The following PDIA3 variants were observed in gnomAD, a reference collection of about 807,000 sequenced individuals.
The protein encoded by PDIA3 is protein disulfide-isomerase A3.
Under a neutral mutation model 56.9 loss-of-function variants are expected in PDIA3, and 16 were observed. The observed-to-expected ratio is 0.28, with a 90% confidence interval of 0.19 to 0.43. The LOEUF is 0.43. Ranked by LOEUF, PDIA3 falls within the 20% of genes least tolerant of loss-of-function variation. The pLI is 1.00. For synonymous variants in PDIA3, 192 were observed against 216.5 expected, an observed-to-expected ratio of 0.89 and a Z score of 0.99; for missense variants, 485 against 621.3, an observed-to-expected ratio of 0.78 and a Z score of 2.33.
intron 3 of PDIA3, among the ~76,000 whole-genome samples, chr15:43,757,730 C>CACATGCCTGT (rs2141649336): frequency 6.6e-6 from 1 of 151,872 alleles, no homozygotes; most frequent in South Asian, 2.1e-4. Context: ...GGCGTGGTGG[C>CACATGCCTGT]ACATGCCTGT....
At chr15:43,761,364 T>A in intron 3 of PDIA3, 60 bp from the exon 4 acceptor site, 1 of 885,048 alleles carries the variant, frequency 1.1e-6, no homozygotes, top group Non-Finnish European at 1.8e-6. Flanking sequence ...TGATGAATAA[T>A]TGCCTTCTCA....
chr15:43,770,174 TAA>T, intron 10 of PDIA3, 74 bp from the exon 11 acceptor site: 1 of 1,166,756 alleles, frequency 8.6e-7, no homozygotes, highest in Non-Finnish European at 1.3e-6. Context: ...GAGATTGTTT[TAA>T]GTCTTCAATT....
At chr15:43,765,391 A>G in intron 5 of PDIA3, 59 bp from the exon 6 acceptor site, 2 of 947,612 alleles carry the variant, frequency 2.1e-6, no homozygotes, top group Non-Finnish European at 3.4e-6. Context: ...AAAAAAAAAA[A>G]GATGGGAGAC....
chr15:43,759,886 C>T (rs959885123), intron 3 of PDIA3, among the ~76,000 whole-genome samples: 1 of 151,746 alleles, frequency 6.6e-6, no homozygotes. Flanking sequence ...GAGTTCAAGA[C>T]CAGCCTGACC....
chr15:43,759,946 G>A (rs1472671403), intron 3 of PDIA3, among the ~76,000 whole-genome samples: 2 of 152,026 alleles, frequency 1.3e-5, no homozygotes, highest in Non-Finnish European at 2.9e-5. Flanking sequence ...AAAATTAGCC[G>A]GGCGTGGTGG....
chr15:43,766,944 CA>C (rs1377655881), intron 8 of PDIA3, 34 bp downstream of exon 8: 1 of 1,586,840 alleles, frequency 6.3e-7, no homozygotes, highest in Admixed American at 1.7e-5. Flanking sequence ...TTCTCCAAGG[CA>C]ATTATTAAAG....
At position 43,746,586 on chromosome 15, in the gene PDIA3, T is replaced by C; in HGVS notation, c.47T>C (p.Leu16Pro). 6.2e-7 allele frequency: 1 copy of C among 1,612,040 alleles called. No individual in the cohort carries two copies. Among genetic ancestry groups the C allele is most frequent in the East Asian group, 2.2e-5 (1 of 44,860 alleles). Residue 16 changes from leucine (L) to proline (P), a missense_variant, in exon 1 of 13, where the codon CTT (leucine) becomes CCT (proline). Physicochemically the swap from Leu to Pro is moderately conservative, Grantham distance 98. Transcript: ENST00000300289. ...LALFPGVALL[L>P]AAARLAAASD... ...CTGTTCCCGGGTGTGGCGCTGCTTCTTGCCGCGGCCCGCCTCGCCGCTGCC... is the reference window on the plus strand; with the variant it reads ...CTGTTCCCGGGTGTGGCGCTGCTTCCTGCCGCGGCCCGCCTCGCCGCTGCC...
chr15:43,767,857 AG>A (rs2086858042), intron 8 of PDIA3, among the ~76,000 whole-genome samples: 1 of 151,760 alleles, frequency 6.6e-6, no homozygotes, highest in African/African-American at 2.4e-5. Context: ...CTATAATCCC[AG>A]CACTTTGGGA....
intron 7 of PDIA3, 37 bp downstream of exon 7, chr15:43,766,049 TA>T (rs760663317): frequency 6.2e-7 from 1 of 1,600,346 alleles, no homozygotes; most frequent in Admixed American, 1.7e-5. Context: ...TGAACAAGTT[TA>T]CCCAATGTAT....
chr15:43,761,599 G>A, intron 4 of PDIA3, 68 bp downstream of exon 4: 1 of 830,958 alleles, frequency 1.2e-6, no homozygotes, highest in Non-Finnish European at 2.0e-6. Flanking sequence ...CCATGTCTGG[G>A]AAAACCACAG....
At chr15:43,767,190 A>G (rs2141656215) in intron 8 of PDIA3, among the ~76,000 whole-genome samples, 1 of 152,044 alleles carries the variant, frequency 6.6e-6, no homozygotes, top group African/African-American at 2.4e-5. Flanking sequence ...TCTCTACTAA[A>G]AATGCAAAAA....
chr15:43,769,958 C>T (rs1407927604), intron 10 of PDIA3, among the ~76,000 whole-genome samples: 1 of 152,086 alleles, frequency 6.6e-6, no homozygotes, highest in Non-Finnish European at 1.5e-5. Context: ...TTGGCTTAGC[C>T]CCTGTAATGT....
chr15:43,749,945 A>C (rs2086732783), intron 1 of PDIA3, among the ~76,000 whole-genome samples: 1 of 152,088 alleles, frequency 6.6e-6, no homozygotes, highest in Non-Finnish European at 1.5e-5. Context: ...AGACCATCTC[A>C]AAAAAGAAAG....
rs367709006 is a variant in PDIA3 at position 43,770,252 on chromosome 15, C to G, written c.1269C>G (p.Leu423=). ...CATTTAACCTGTTTTATTAACAGCT[C>G]AGCAAAGACCCAAATATCGTCATAG... ...EPKYKELGEK[L]SKDPNIVIAK... Residue 423 remains leucine (L), a splice_region_variant and synonymous_variant, in exon 11 of 13, where the codon CTC becomes CTG. Coordinates refer to ENST00000300289, the MANE Select transcript of PDIA3 (RefSeq NM_005313.5). 1.2e-6 allele frequency: 2 copies of G among 1,613,098 alleles called. No homozygotes were observed. Among genetic ancestry groups the G allele is most frequent in the Non-Finnish European group, 1.7e-6 (2 of 1,179,070 alleles).
At chr15:43,750,285 G>T (rs2086735460) in intron 1 of PDIA3, among the ~76,000 whole-genome samples, 1 of 150,020 alleles carries the variant, frequency 6.7e-6, no homozygotes, top group African/African-American at 2.4e-5. Flanking sequence ...CAAAGTGCTG[G>T]GATTTCAGGC....
At chr15:43,767,009 A>T (rs1026806123) in intron 8 of PDIA3, 99 bp downstream of exon 8, 43 of 1,091,594 alleles carry the variant, frequency 3.9e-5, no homozygotes, top group Middle Eastern at 2.0e-4. Flanking sequence ...ATGTGAAGAT[A>T]GGTCTTTTAA....
chr15:43,760,359 C>T (rs1232621635), intron 3 of PDIA3, among the ~76,000 whole-genome samples: 1 of 150,856 alleles, frequency 6.6e-6, no homozygotes, highest in African/African-American at 2.4e-5. Flanking sequence ...CCGCTGGACC[C>T]CAGCCTGGGT....
chr15:43,758,812 C>A (rs2086796277), intron 3 of PDIA3, among the ~76,000 whole-genome samples: 1 of 151,524 alleles, frequency 6.6e-6, no homozygotes, highest in Non-Finnish European at 1.5e-5. Flanking sequence ...CATGTCTCCA[C>A]CAAAAAATAC....
chr15:43,763,002 T>C, intron 4 of PDIA3, 75 bp from the exon 5 acceptor site: 2 of 1,419,008 alleles, frequency 1.4e-6, no homozygotes, highest in Non-Finnish European at 2.0e-6. Flanking sequence ...GTTTATGGAA[T>C]AGACGTTTAT....
Sources: allele counts gnomAD v4.1 joint callset (sites outside exome capture counted in the v4.1 genomes callset), GRCh38; gene constraint gnomAD v4.1.1; transcripts MANE v1.5; gene names NCBI Gene and HGNC (gene_info 2026-07-23, HGNC 2026-07-21).